Variants in STAU2 observed in about 807,000 individuals in gnomAD.
The protein encoded by STAU2 is staufen double-stranded RNA binding protein 2.
In STAU2, 20 loss-of-function variants were observed where a neutral mutation model predicts 65.9. The ratio of observed to expected loss-of-function variants is 0.30; its 90% CI spans 0.21 to 0.44. STAU2 has a LOEUF of 0.44. Ranked by LOEUF, STAU2 falls within the 20% of genes least tolerant of loss-of-function variation. The pLI, the probability that STAU2 is intolerant of heterozygous loss-of-function variation, is 1.00. For synonymous variants in STAU2, 232 were observed against 233.9 expected (o/e 0.99, Z 0.07); for missense variants, 558 against 683.9 (o/e 0.82, Z 2.05).
intron 11 of STAU2, among the ~76,000 whole-genome samples, chr8:73,586,892 A>G (rs1159829550): frequency 6.6e-6 from 1 of 152,172 alleles, no homozygotes; most frequent in African/African-American, 2.4e-5. Flanking sequence ...AAGACCATCC[A>G]TAAGATTGGC....
intron 3 of STAU2, among the ~76,000 whole-genome samples, chr8:73,716,973 C>T (rs142639441): frequency 2.4e-4 from 36 of 152,106 alleles, no homozygotes; most frequent in African/African-American, 8.7e-4. Context: ...CGGTAGTGTG[C>T]GCCTGTGATC....
At chr8:73,545,019 G>A (rs1259342084) in intron 13 of STAU2, among the ~76,000 whole-genome samples, 1 of 152,140 alleles carries the variant, frequency 6.6e-6, no homozygotes, top group Non-Finnish European at 1.5e-5. Flanking sequence ...TGCCCAGTGT[G>A]AGCAAACAAA....
chr8:73,487,623 C>T (rs1820981932), intron 13 of STAU2, among the ~76,000 whole-genome samples: 1 of 152,030 alleles, frequency 6.6e-6, no homozygotes, highest in African/African-American at 2.4e-5. Flanking sequence ...GAACACTTTT[C>T]TTATAAATAG....
intron 13 of STAU2, chr8:73,527,868 C>T (rs1249235386): frequency 9.9e-6 from 4 of 402,546 alleles, no homozygotes; most frequent in South Asian, 6.1e-5. Context: ...GCAAATAGGT[C>T]CTTTTGCAAA....
chr8:73,576,263 T>G (rs1809541325), intron 12 of STAU2, among the ~76,000 whole-genome samples: 1 of 152,138 alleles, frequency 6.6e-6, no homozygotes, highest in South Asian at 2.1e-4. Context: ...GATGAATGGA[T>G]AAATCATTAT....
intron 13 of STAU2, among the ~76,000 whole-genome samples, chr8:73,504,205 T>C (rs554277678): frequency 1.2e-4 from 19 of 152,226 alleles, no homozygotes; most frequent in African/African-American, 4.1e-4. Flanking sequence ...CCTACAGCGA[T>C]ATTAGCTTAA....
At chr8:73,532,818 C>T (rs1002949648) in intron 13 of STAU2, among the ~76,000 whole-genome samples, 1 of 152,146 alleles carries the variant, frequency 6.6e-6, no homozygotes, top group Non-Finnish European at 1.5e-5. Context: ...TTAGACAAAG[C>T]TTAATACTTT....
intron 12 of STAU2, among the ~76,000 whole-genome samples, chr8:73,554,046 A>G (rs1807540931): frequency 6.6e-6 from 1 of 152,028 alleles, no homozygotes; most frequent in South Asian, 2.1e-4. Flanking sequence ...ATCCTAACCA[A>G]TCAGCCTGGA....
At chr8:73,528,806 T>G (rs1805609738) in intron 13 of STAU2, among the ~76,000 whole-genome samples, 1 of 152,162 alleles carries the variant, frequency 6.6e-6, no homozygotes, top group South Asian at 2.1e-4. Context: ...ACCTGAGTTA[T>G]TCCCTTGTCT....
chr8:73,423,815 C>A (rs756512074), intron 13 of STAU2, among the ~76,000 whole-genome samples: 8 of 152,120 alleles, frequency 5.3e-5, no homozygotes, highest in Admixed American at 6.5e-5. Flanking sequence ...TTCTTCCCTC[C>A]CCTAAATACG....
chr8:73,696,217 T>C (rs1355556313), intron 4 of STAU2, among the ~76,000 whole-genome samples: 1 of 152,238 alleles, frequency 6.6e-6, no homozygotes, highest in Admixed American at 6.5e-5. Flanking sequence ...ATTGTTGGGC[T>C]TGGGGCCCAA....
chr8:73,536,208 G>A (rs191569069), intron 13 of STAU2, among the ~76,000 whole-genome samples: 1 of 152,240 alleles, frequency 6.6e-6, no homozygotes, highest in East Asian at 1.9e-4. Flanking sequence ...GAGAGAAGGA[G>A]GAAGACTGAC....
chr8:73,472,882 A>C (rs979941349), intron 13 of STAU2, among the ~76,000 whole-genome samples: 18 of 152,244 alleles, frequency 1.2e-4, no homozygotes, highest in African/African-American at 3.6e-4. Context: ...CAAGTCAATG[A>C]AAATGAGCTT....
At chr8:73,424,980 G>A (rs1372876691) in intron 13 of STAU2, among the ~76,000 whole-genome samples, 2 of 152,126 alleles carry the variant, frequency 1.3e-5, no homozygotes, top group Non-Finnish European at 2.9e-5. Flanking sequence ...GAGAAGGTCA[G>A]TGATGCCACC....
intron 4 of STAU2, among the ~76,000 whole-genome samples, chr8:73,702,896 G>T (rs1820216478): frequency 6.6e-6 from 1 of 152,162 alleles, no homozygotes; most frequent in Non-Finnish European, 1.5e-5. Flanking sequence ...TATATAACCT[G>T]TAGGCAAGGG....
Position 73,421,264 on chromosome 8 carries a change from TA to T in STAU2, c.*107del. 2.2e-6 allele frequency: 2 copies of T among 909,254 alleles called. No individual in the cohort carries two copies. The highest frequency in any genetic ancestry group is 3.4e-6 in the Non-Finnish European group (2 of 584,216). 56.3% of individuals were successfully genotyped at this position (909,254 alleles called of 1,614,324 possible). A position where few individuals can be genotyped will look rare whatever the true frequency, so the allele number is the denominator to read the frequency against. ...GTGTTAGAATAGTGTTGTCTTCACATAAGACTCAAATAATGGTATTAGTCAT... is the reference window on the plus strand; with the variant it reads ...GTGTTAGAATAGTGTTGTCTTCACATAGACTCAAATAATGGTATTAGTCAT... On this transcript the variant is annotated 3_prime_UTR_variant, in exon 15 of 15. Coordinates refer to ENST00000524300, the MANE Select transcript of STAU2 (RefSeq NM_001164380.2).
chr8:73,553,825 T>C (rs185169451), intron 12 of STAU2, among the ~76,000 whole-genome samples: 63 of 152,200 alleles, frequency 4.1e-4, no homozygotes, highest in African/African-American at 1.4e-3. Context: ...ATTCTCACTT[T>C]TTTTCATGCA....
chr8:73,739,614 C>A, intron 2 of STAU2, 142 bp downstream of exon 2: 1 of 643,304 alleles, frequency 1.6e-6, no homozygotes, highest in East Asian at 3.5e-5. Context: ...ATTTTTCTTA[C>A]AATAGTGTCC....
chr8:73,703,263 A>G (rs1043237991), intron 4 of STAU2, among the ~76,000 whole-genome samples: 1 of 151,970 alleles, frequency 6.6e-6, no homozygotes, highest in Non-Finnish European at 1.5e-5. Context: ...TGGTCATATA[A>G]AAGTGTGTGG....
Sources: gnomAD v4.1 joint callset for allele counts (sites outside exome capture counted in the v4.1 genomes callset) on GRCh38, gnomAD v4.1.1 for gene constraint, MANE v1.5 for transcripts, NCBI Gene and HGNC (gene_info 2026-07-23, HGNC 2026-07-21) for gene names.